NFASC: variants seen among roughly 807,000 people sequenced by gnomAD.
The protein encoded by NFASC is neurofascin.
In NFASC, 43 loss-of-function variants were observed where a neutral mutation model predicts 147.5. The ratio of observed to expected loss-of-function variants is 0.29; its 90% confidence interval spans 0.23 to 0.38. The LOEUF (loss-of-function observed/expected upper bound fraction) is 0.38, where lower values mean the gene tolerates loss of function less well. Ranked by LOEUF, NFASC falls within the 10% of genes least tolerant of loss-of-function variation. NFASC has a pLI of 1.00. For missense variants in NFASC, 1,320 were observed against 1,689.0 expected, an observed-to-expected ratio of 0.78 and a Z score of 3.83; for synonymous variants, 622 against 665.5, an observed-to-expected ratio of 0.93 and a Z score of 1.01.
At chr1:204,878,014 C>T (rs531678800) in intron 1 of NFASC, among the ~76,000 whole-genome samples, 2 of 152,320 alleles carry the variant, frequency 1.3e-5, no homozygotes, top group East Asian at 1.9e-4. Context: ...AGTTCCTTTC[C>T]CCAGAAGCTT....
Position 204,967,891 on chromosome 1 carries a change from G to T in NFASC, c.707-358G>T, listed in dbSNP as rs559437086. On this transcript the variant is annotated intron_variant, in intron 8 of 29. Transcript: ENST00000339876. The stretch of plus-strand genomic sequence containing the variant: ...CCGCTGCTGAGATGGCCTGCCCTGG[G>T]GGCCACACAGTGGCCTCTGGGATCC... 32 of 195,922 alleles carry T rather than the reference G, an allele frequency of 1.6e-4. No individual in the cohort carries two copies. In the East Asian group the frequency reaches 4.5e-3, roughly 27 times the overall value. 12.1% of individuals were successfully genotyped at this position (195,922 alleles called of 1,614,324 possible). A position where few individuals can be genotyped will look rare whatever the true frequency, so the allele number is the denominator to read the frequency against.
intron 1 of NFASC, among the ~76,000 whole-genome samples, chr1:204,907,120 G>A (rs1305019888): frequency 6.6e-6 from 1 of 152,172 alleles, no homozygotes; most frequent in Non-Finnish European, 1.5e-5. Flanking sequence ...ATCCTAACTA[G>A]GACGTGGGAT....
chr1:205,000,527 T>C (rs924517605), intron 25 of NFASC: 1 of 153,850 alleles, frequency 6.5e-6, no homozygotes, highest in Admixed American at 6.4e-5. Flanking sequence ...CTGGCACACA[T>C]CTTCTCTGTG....
At chr1:204,872,857 T>A (rs1326655787) in intron 1 of NFASC, among the ~76,000 whole-genome samples, 2 of 152,360 alleles carry the variant, frequency 1.3e-5, no homozygotes, top group East Asian at 3.9e-4. Context: ...CATTGGATGT[T>A]TGTCCTCATA....
chr1:204,854,931 C>A (rs1396893511), intron 1 of NFASC, among the ~76,000 whole-genome samples: 1 of 152,274 alleles, frequency 6.6e-6, no homozygotes, highest in South Asian at 2.1e-4. Flanking sequence ...CCCAGCTCAT[C>A]ACGCAGTGAT....
In NFASC at chr1:204,988,638, G is replaced by A. The variant is rs766921072; in HGVS notation, c.2599G>A (p.Gly867Arg). ...GYTLKYVAFN[G>R]TKVGKQIVEN... ...ACTTACCTCTCTCTCCCCAGTTAAC[G>A]GGACCAAAGTAGGAAAGCAGATAGT... is the stretch of plus-strand genomic sequence containing the variant. The change falls in exon 23 of 30, where the codon GGG becomes AGG. Residue 867 changes from glycine to arginine, a missense_variant. Around this residue, in one of 3 missense-constraint regions of NFASC, gnomAD observed 981 missense variants for 1,289.5 expected, o/e 0.76. Transcript: ENST00000339876. The A allele has an allele frequency of 1.1e-5, 18 of 1,614,034 alleles. 1 individual carries two copies. In the Admixed American group the frequency reaches 1.7e-4, roughly 15 times the overall value.
chr1:204,919,775 T>A (rs762555665), intron 1 of NFASC, among the ~76,000 whole-genome samples: 84 of 152,136 alleles, frequency 5.5e-4, no homozygotes, highest in Non-Finnish European at 2.5e-4. Context: ...ACTACAGGTG[T>A]GCCCGGCTAA....
At chr1:204,936,892 C>T (rs929150206) in intron 2 of NFASC, among the ~76,000 whole-genome samples, 13 of 152,324 alleles carry the variant, frequency 8.5e-5, no homozygotes, top group African/African-American at 2.9e-4. Flanking sequence ...TGACTTGTTC[C>T]ATTCTTGTCC....
intron 8 of NFASC, among the ~76,000 whole-genome samples, chr1:204,961,769 A>G (rs1324815235): frequency 1.3e-5 from 2 of 152,270 alleles, no homozygotes; most frequent in African/African-American, 4.8e-5. Flanking sequence ...AGATGGCTAC[A>G]GGACACCACT....
At chr1:204,925,212 T>C (rs1393908776) in intron 2 of NFASC, among the ~76,000 whole-genome samples, 1 of 152,216 alleles carries the variant, frequency 6.6e-6, no homozygotes, top group African/African-American at 2.4e-5. Flanking sequence ...GATTAGGTGC[T>C]ATACATGTAC....
At chr1:204,983,386 G>A (rs1574119274) in intron 21 of NFASC, among the ~76,000 whole-genome samples, 1 of 152,272 alleles carries the variant, frequency 6.6e-6, no homozygotes, top group Admixed American at 6.5e-5. Context: ...ATAACGTGTG[G>A]AGAGAGTTGG....
intron 1 of NFASC, among the ~76,000 whole-genome samples, chr1:204,874,421 TC>T (rs2078338150): frequency 6.6e-6 from 1 of 152,220 alleles, no homozygotes; most frequent in Non-Finnish European, 1.5e-5. Flanking sequence ...GCTTCTGACT[TC>T]CTGTTCTTCC....
At chr1:204,876,846 A>G (rs1262022638) in intron 1 of NFASC, among the ~76,000 whole-genome samples, 1 of 151,504 alleles carries the variant, frequency 6.6e-6, no homozygotes, top group Non-Finnish European at 1.5e-5. Context: ...CGTGGGACTC[A>G]TAAATGTGGA....
intron 2 of NFASC, among the ~76,000 whole-genome samples, chr1:204,934,031 G>A (rs555003661): frequency 6.6e-6 from 1 of 151,856 alleles, no homozygotes; most frequent in Non-Finnish European, 1.5e-5. Flanking sequence ...CCAGCTACTC[G>A]GGAGGCTGAG....
chr1:204,878,684 A>G (rs564998019), intron 1 of NFASC, among the ~76,000 whole-genome samples: 1 of 152,358 alleles, frequency 6.6e-6, no homozygotes, highest in Non-Finnish European at 1.5e-5. Context: ...GTCTTGTTTC[A>G]TCCAGCGGAT....
intron 8 of NFASC, chr1:204,962,263 C>A: frequency 9.9e-7 from 1 of 1,011,560 alleles, no homozygotes; most frequent in Non-Finnish European, 1.5e-6. Flanking sequence ...GGCAGCTGGC[C>A]CAGCCAGGGT....
intron 1 of NFASC, among the ~76,000 whole-genome samples, chr1:204,839,704 A>G (rs1246788012): frequency 2.6e-5 from 4 of 152,210 alleles, no homozygotes; most frequent in Admixed American, 1.3e-4. Flanking sequence ...AGAAGAGGGT[A>G]GGGACATTGG....
intron 2 of NFASC, among the ~76,000 whole-genome samples, chr1:204,942,022 A>G (rs986331197): frequency 1.1e-4 from 17 of 152,124 alleles, no homozygotes; most frequent in Non-Finnish European, 1.3e-4. Context: ...TCATCCATCC[A>G]TATGTCGATC....
In NFASC at chr1:204,877,042, T is replaced by A. The variant is rs1266849944; in HGVS notation, c.-199-43590T>A. Among the ~76,000 whole-genome samples the A allele has an allele frequency of 4.4e-4, 46 of 103,756 alleles. 1 individual carries two copies. The highest frequency in any genetic ancestry group is 7.1e-4 in the Non-Finnish European group (43 of 60,734). The allele number at this position is 103,756 out of a possible 152,430, so 68.1% of individuals were successfully genotyped here. A position where few individuals can be genotyped will look rare whatever the true frequency, so the allele number is the denominator to read the frequency against. On this transcript the variant is annotated intron_variant, in intron 1 of 29. Coordinates refer to ENST00000339876, the MANE Select transcript of NFASC (RefSeq NM_001005388.3). Reference sequence around the variant, plus strand: ...TATATATATATAATATATATTTATATATATATAATATATTTATTTATATAT... The same window carrying A: ...TATATATATATAATATATATTTATAAATATATAATATATTTATTTATATAT...
Sources: allele counts gnomAD v4.1 joint callset (sites outside exome capture counted in the v4.1 genomes callset), GRCh38; gene constraint gnomAD v4.1.1; regional missense constraint gnomAD v4.1.1; transcripts MANE v1.5; gene names NCBI Gene and HGNC (gene_info 2026-07-23, HGNC 2026-07-21).